The following CNTNAP2 variants were observed in gnomAD, a reference collection of about 807,000 sequenced individuals.
CNTNAP2 encodes the protein contactin-associated protein-like 2.
CNTNAP2 carries 98 observed loss-of-function variants against 155.2 expected under a neutral mutation model. The ratio of observed to expected loss-of-function variants is 0.63; its 90% CI spans 0.54 to 0.75. CNTNAP2 has a LOEUF of 0.75. CNTNAP2 is among the 30% of genes least tolerant of loss of function. CNTNAP2 has a pLI of 0.00. For missense variants in CNTNAP2, 1,727 were observed against 1,688.1 expected, an observed-to-expected ratio of 1.02 and a Z score of -0.40; for synonymous variants, 651 against 631.2, an observed-to-expected ratio of 1.03 and a Z score of -0.47.
chr7:146,841,758 T>C (rs1803728858), intron 3 of CNTNAP2, among the ~76,000 whole-genome samples: 2 of 152,098 alleles, frequency 1.3e-5, no homozygotes, highest in African/African-American at 4.8e-5. Flanking sequence ...AAGATAGTAA[T>C]AAAGATAGCT....
chr7:147,724,909 G>A (rs1796620049), intron 13 of CNTNAP2, among the ~76,000 whole-genome samples: 1 of 149,730 alleles, frequency 6.7e-6, no homozygotes, highest in South Asian at 2.1e-4. Context: ...TGGAATGAAT[G>A]ACTAAGTGCT....
chr7:147,064,877 A>G (rs1293327932), intron 4 of CNTNAP2, among the ~76,000 whole-genome samples: 2 of 152,198 alleles, frequency 1.3e-5, no homozygotes, highest in Admixed American at 6.5e-5. Context: ...AAGACTGTGA[A>G]GCCCACATCA....
chr7:147,235,797 C>T (rs1803787804), intron 8 of CNTNAP2, among the ~76,000 whole-genome samples: 1 of 152,166 alleles, frequency 6.6e-6, no homozygotes, highest in African/African-American at 2.4e-5. Flanking sequence ...ATTTTCCCAA[C>T]TTGGAATATA....
At chr7:146,366,523 C>CA (rs982850690) in intron 1 of CNTNAP2, among the ~76,000 whole-genome samples, 55 of 148,978 alleles carry the variant, frequency 3.7e-4, no homozygotes, top group Middle Eastern at 3.4e-3. Context: ...CACCAAACTT[C>CA]AAAAAAAAAA....
At chr7:146,913,913 CT>C (rs1796341231) in intron 3 of CNTNAP2, among the ~76,000 whole-genome samples, 1 of 151,994 alleles carries the variant, frequency 6.6e-6, no homozygotes, top group South Asian at 2.1e-4. Flanking sequence ...CCCTCCTACC[CT>C]TTCCCCTGAG....
In CNTNAP2 at chr7:147,551,439, G is replaced by A. The variant is rs538506549; in HGVS notation, c.1778-10699G>A. 4.6e-5 allele frequency among the ~76,000 whole-genome samples: 7 copies of A among 152,150 alleles called. No homozygotes were observed. In the South Asian group the frequency reaches 1.5e-3, roughly 32 times the overall value. On this transcript the variant is annotated intron_variant, in intron 11 of 23. Transcript: ENST00000361727. Reference sequence around the variant, plus strand: ...TTGACTCCTTAATCTCTACTGAAGGGGCTTACTTTGAAGACTAGCAATTTC... The same window carrying A: ...TTGACTCCTTAATCTCTACTGAAGGAGCTTACTTTGAAGACTAGCAATTTC...
intron 13 of CNTNAP2, among the ~76,000 whole-genome samples, chr7:147,830,163 T>TA (rs3055144): frequency 1.3e-3 from 189 of 144,988 alleles, no homozygotes; most frequent in East Asian, 6.4e-3. Flanking sequence ...GGGTTGCTAT[T>TA]AAAAAAAAAA....
chr7:148,353,123 G>C (rs1188012221), intron 21 of CNTNAP2, among the ~76,000 whole-genome samples: 1 of 152,228 alleles, frequency 6.6e-6, no homozygotes, highest in African/African-American at 2.4e-5. Context: ...CCGGCAGCCT[G>C]CTCCAAGGTC....
intron 10 of CNTNAP2, among the ~76,000 whole-genome samples, chr7:147,419,405 A>C (rs951691005): frequency 1.3e-5 from 2 of 152,174 alleles, no homozygotes; most frequent in Admixed American, 6.5e-5. Flanking sequence ...TATGGCTAGG[A>C]GTATAGGAGA....
intron 1 of CNTNAP2, among the ~76,000 whole-genome samples, chr7:146,741,559 G>A (rs1430947791): frequency 3.3e-5 from 5 of 152,152 alleles, no homozygotes; most frequent in African/African-American, 1.2e-4. Flanking sequence ...AAAGACCAGA[G>A]CACAGAGAAT....
intron 11 of CNTNAP2, among the ~76,000 whole-genome samples, chr7:147,512,257 C>A (rs1476350468): frequency 6.6e-6 from 1 of 152,192 alleles, no homozygotes; most frequent in East Asian, 1.9e-4. Flanking sequence ...CTCCCATTTG[C>A]AGACTTGTCC....
chr7:148,125,222 C>T (rs1480285423), intron 16 of CNTNAP2, among the ~76,000 whole-genome samples: 2 of 151,942 alleles, frequency 1.3e-5, no homozygotes, highest in African/African-American at 4.8e-5. Flanking sequence ...ATCTTAATCT[C>T]TCTCTGTCTC....
Position 146,887,737 on chromosome 7 carries a change from C to T in CNTNAP2, c.402+47833C>T, listed in dbSNP as rs898236424. ...GGCCTTAATAAACTCAGGCTGGCTT[C>T]CTGATATGCTTTTTTTCTAAGGTGT... On this transcript the variant is annotated intron_variant, in intron 3 of 23. Coordinates refer to ENST00000361727, the MANE Select transcript of CNTNAP2 (RefSeq NM_014141.6). 2.0e-5 allele frequency among the ~76,000 whole-genome samples: 3 copies of T among 152,080 alleles called. No individual in the cohort carries two copies. In the East Asian group the frequency reaches 5.8e-4, roughly 29 times the overall value.
rs142354106 is a variant in CNTNAP2, at chr7:147,310,876, G to A, written c.1498+10586G>A. ...AACTCCAAGTATAGGAAGGACAAGC[G>A]GGAATTTATAGCAAAAAGCAGGGTT... On this transcript the variant is annotated intron_variant, in intron 9 of 23. Transcript: ENST00000361727. Among the ~76,000 whole-genome samples the A allele has an allele frequency of 3.2e-3, 481 of 152,226 alleles. 5 individuals are homozygous for A. Among genetic ancestry groups the A allele is most frequent in the African/African-American group, 0.011 (441 of 41,534 alleles).
chr7:146,753,694 T>G (rs1235612753), intron 1 of CNTNAP2, among the ~76,000 whole-genome samples: 1 of 152,092 alleles, frequency 6.6e-6, no homozygotes. Context: ...ATTGTCTTGG[T>G]ATTCAAACCA....
chr7:146,413,411 A>G (rs377413327), intron 1 of CNTNAP2, among the ~76,000 whole-genome samples: 8 of 152,332 alleles, frequency 5.3e-5, no homozygotes, highest in African/African-American at 1.9e-4. Flanking sequence ...TTTTTGAGCA[A>G]AACAAAGTAA....
chr7:146,209,113 A>G (rs560423237), intron 1 of CNTNAP2, among the ~76,000 whole-genome samples: 1 of 152,122 alleles, frequency 6.6e-6, no homozygotes, highest in African/African-American at 2.4e-5. Flanking sequence ...TCTGTAGGTG[A>G]TGCTGTCGCC....
chr7:147,183,508 C>T (rs1446438144), intron 8 of CNTNAP2, among the ~76,000 whole-genome samples: 1 of 152,118 alleles, frequency 6.6e-6, no homozygotes, highest in Non-Finnish European at 1.5e-5. Flanking sequence ...TCGTTAGTTG[C>T]CTTTTCAGCA....
chr7:147,820,047 T>C (rs1798338154), intron 13 of CNTNAP2, among the ~76,000 whole-genome samples: 1 of 152,132 alleles, frequency 6.6e-6, no homozygotes, highest in Non-Finnish European at 1.5e-5. Flanking sequence ...ATAAGGTAGA[T>C]ATATGTTTAA....
Sources: gnomAD v4.1 joint callset for allele counts (sites outside exome capture counted in the v4.1 genomes callset) on GRCh38, gnomAD v4.1.1 for gene constraint, MANE v1.5 for transcripts, NCBI Gene and HGNC (gene_info 2026-07-23, HGNC 2026-07-21) for gene names.